The following NFIB variants were observed in gnomAD, a reference collection of about 807,000 sequenced individuals.
NFIB encodes the protein nuclear factor 1 B-type.
In NFIB, 11 loss-of-function variants were observed where a neutral mutation model predicts 61.5. The observed-to-expected ratio is 0.18, with a 90% confidence interval of 0.11 to 0.30. NFIB has a LOEUF of 0.30. NFIB is among the 10% of genes least tolerant of loss of function. NFIB has a pLI of 1.00. For synonymous variants in NFIB, 260 were observed against 216.5 expected, an observed-to-expected ratio of 1.20 and a Z score of -1.76; for missense variants, 471 against 608.9, an observed-to-expected ratio of 0.77 and a Z score of 2.38.
intron 2 of NFIB, among the ~76,000 whole-genome samples, chr9:14,214,978 C>A (rs1192723599): frequency 1.3e-5 from 2 of 152,204 alleles, no homozygotes; most frequent in African/African-American, 4.8e-5. Context: ...GAAATTTAGG[C>A]TTGGGAGCAA....
At chr9:14,514,784 G>T in the NFIB span, among the ~76,000 whole-genome samples, 10 of 152,036 alleles carry the variant, frequency 6.6e-5, no homozygotes, top group Admixed American at 4.6e-4. Flanking sequence ...CAGCCCAAAA[G>T]CTGGCTGGGA....
At chr9:14,268,529 C>A (rs1439083013) in intron 2 of NFIB, among the ~76,000 whole-genome samples, 1 of 152,176 alleles carries the variant, frequency 6.6e-6, no homozygotes, top group Non-Finnish European at 1.5e-5. Context: ...GCCTCCAGGA[C>A]CCCCATGCCT....
the NFIB span, among the ~76,000 whole-genome samples, chr9:14,479,558 A>G: frequency 6.6e-6 from 1 of 152,204 alleles, no homozygotes; most frequent in East Asian, 1.9e-4. Flanking sequence ...TTCTAGGGTA[A>G]AGATGTTACC....
At chr9:14,402,761 G>A (rs960644294), upstream of NFIB, among the ~76,000 whole-genome samples, 1 of 152,096 alleles carries the variant, frequency 6.6e-6, no homozygotes, top group African/African-American at 2.4e-5. Context: ...ACCTAATAAA[G>A]ACACTGTCAC....
At chr9:14,187,774 A>G (rs1219561748) in intron 2 of NFIB, among the ~76,000 whole-genome samples, 2 of 152,218 alleles carry the variant, frequency 1.3e-5, no homozygotes, top group East Asian at 3.8e-4. Context: ...TTAAGGTGGA[A>G]AAAAAATCAT....
At chr9:14,327,080 T>C (rs568063788) in intron 1 of NFIB, among the ~76,000 whole-genome samples, 1 of 148,982 alleles carries the variant, frequency 6.7e-6, no homozygotes, top group East Asian at 2.0e-4. Flanking sequence ...TTAAGGTTTC[T>C]GAAACAACAG....
At chr9:14,469,039 C>T in the NFIB span, among the ~76,000 whole-genome samples, 1 of 152,280 alleles carries the variant, frequency 6.6e-6, no homozygotes, top group South Asian at 2.1e-4. Flanking sequence ...CAACAATGCC[C>T]ACTTCGATTC....
the NFIB span, among the ~76,000 whole-genome samples, chr9:14,494,381 T>C: frequency 6.6e-6 from 1 of 152,344 alleles, no homozygotes; most frequent in Non-Finnish European, 1.5e-5. Context: ...GGTTCTCTAT[T>C]GTACTGTATA....
chr9:14,311,058 A>C (rs942638911), intron 1 of NFIB, among the ~76,000 whole-genome samples: 1 of 152,194 alleles, frequency 6.6e-6, no homozygotes, highest in East Asian at 1.9e-4. Context: ...CATTATTTTT[A>C]AACATATATT....
intron 10 of NFIB, among the ~76,000 whole-genome samples, chr9:14,099,268 AT>A (rs2035355713): frequency 1.3e-5 from 2 of 152,204 alleles, no homozygotes; most frequent in South Asian, 4.1e-4. Context: ...TATTTTATTT[AT>A]TCCATCGTGA....
At chr9:14,387,642 A>C (rs111760339) in intron 1 of NFIB, among the ~76,000 whole-genome samples, 13 of 152,364 alleles carry the variant, frequency 8.5e-5, no homozygotes, top group African/African-American at 2.2e-4. Flanking sequence ...ATGCAAATTA[A>C]GACAAGATAT....
At chr9:14,327,417 A>G (rs2132840322) in intron 1 of NFIB, among the ~76,000 whole-genome samples, 1 of 152,318 alleles carries the variant, frequency 6.6e-6, no homozygotes, top group East Asian at 1.9e-4. Flanking sequence ...TATATTCCGT[A>G]AGTAAGAAAT....
At chr9:14,428,130 G>C in the NFIB span, among the ~76,000 whole-genome samples, 1 of 151,476 alleles carries the variant, frequency 6.6e-6, no homozygotes, top group Non-Finnish European at 1.5e-5. Context: ...ATTTTTTGTA[G>C]AGATGGGGTT....
intron 1 of NFIB, among the ~76,000 whole-genome samples, chr9:14,385,528 C>A (rs1564049552): frequency 6.6e-6 from 1 of 152,056 alleles, no homozygotes; most frequent in African/African-American, 2.4e-5. Flanking sequence ...TTTTAAAAAG[C>A]ATTTGAAATG....
chr9:14,499,771 A>C, the NFIB span, among the ~76,000 whole-genome samples: 12 of 152,204 alleles, frequency 7.9e-5, no homozygotes, highest in Admixed American at 5.9e-4. Flanking sequence ...TTCTGCTCCA[A>C]CCCAGGGGAC....
At chr9:14,324,014 A>T (rs1244445262) in intron 1 of NFIB, among the ~76,000 whole-genome samples, 1 of 152,220 alleles carries the variant, frequency 6.6e-6, no homozygotes, top group East Asian at 1.9e-4. Context: ...TCTCCTCCAA[A>T]AAAATTAGCA....
At chr9:14,148,774 A>C (rs1400174215) in intron 5 of NFIB, among the ~76,000 whole-genome samples, 2 of 152,182 alleles carry the variant, frequency 1.3e-5, no homozygotes, top group African/African-American at 4.8e-5. Flanking sequence ...TATTTGACTC[A>C]CAATTCTCAG....
intron 2 of NFIB, among the ~76,000 whole-genome samples, chr9:14,273,216 C>G (rs1363234321): frequency 6.6e-6 from 1 of 152,090 alleles, no homozygotes; most frequent in Non-Finnish European, 1.5e-5. Flanking sequence ...TCTCTTTCCC[C>G]CTCATCAATC....
At chr9:14,495,757 C>A in the NFIB span, among the ~76,000 whole-genome samples, 1 of 152,046 alleles carries the variant, frequency 6.6e-6, no homozygotes, top group Non-Finnish European at 1.5e-5. Flanking sequence ...TCTTTCTAGA[C>A]CAGAATTATA....
Sources: allele counts gnomAD v4.1 joint callset (sites outside exome capture counted in the v4.1 genomes callset), GRCh38; gene constraint gnomAD v4.1.1; transcripts MANE v1.5; gene names NCBI Gene and HGNC (gene_info 2026-07-23, HGNC 2026-07-21).